The following SMAP1 variants were observed in gnomAD, a reference collection of about 807,000 sequenced individuals.
SMAP1 encodes the protein small ArfGAP 1.
Under a neutral mutation model 58.5 loss-of-function variants are expected in SMAP1, and 24 were observed. The ratio of observed to expected loss-of-function variants is 0.41; its 90% CI spans 0.30 to 0.58. SMAP1 has a LOEUF of 0.58. SMAP1 is among the 20% of genes least tolerant of loss of function. The probability of loss-of-function intolerance (pLI) is 0.29; values close to 1 mark genes in which losing one functional copy is unlikely to be tolerated. For missense variants in SMAP1, 563 were observed against 566.3 expected, an observed-to-expected ratio of 0.99 and a Z score of 0.06; for synonymous variants, 216 against 196.6, an observed-to-expected ratio of 1.10 and a Z score of -0.82.
chr6:70,669,517 G>A (rs1766176547), intron 1 of SMAP1, among the ~76,000 whole-genome samples: 1 of 152,196 alleles, frequency 6.6e-6, no homozygotes, highest in African/African-American at 2.4e-5. Context: ...CTTTTCAGGT[G>A]ATGAGTTTTT....
chr6:70,762,315 G>A (rs1562141181), intron 3 of SMAP1, among the ~76,000 whole-genome samples: 1 of 152,022 alleles, frequency 6.6e-6, no homozygotes, highest in African/African-American at 2.4e-5. Flanking sequence ...TTCTGTGGTC[G>A]CTTTGGAGAG....
intron 1 of SMAP1, among the ~76,000 whole-genome samples, chr6:70,707,902 T>A (rs1166846171): frequency 6.6e-6 from 1 of 152,234 alleles, no homozygotes; most frequent in Admixed American, 6.5e-5. Flanking sequence ...GTGAAATGAT[T>A]TCTACAGTCA....
At chr6:70,728,692 A>C (rs1468315977) in intron 1 of SMAP1, among the ~76,000 whole-genome samples, 1 of 152,222 alleles carries the variant, frequency 6.6e-6, no homozygotes, top group African/African-American at 2.4e-5. Context: ...TGCTGTTATG[A>C]GTGTAGACAT....
chr6:70,784,312 TGGAAA>T, intron 4 of SMAP1, among the ~76,000 whole-genome samples: 1 of 151,842 alleles, frequency 6.6e-6, no homozygotes, highest in East Asian at 1.9e-4. Flanking sequence ...GCACTAAACA[TGGAAA>T]GGAACAACCG....
intron 1 of SMAP1, among the ~76,000 whole-genome samples, chr6:70,680,689 CATTACA>C (rs975065356): frequency 1.1e-4 from 16 of 144,874 alleles, no homozygotes; most frequent in African/African-American, 3.8e-4. Flanking sequence ...ACAGAGTATA[CATTACA>C]ATTACATGGA....
At chr6:70,730,206 C>T (rs541725985) in intron 1 of SMAP1, among the ~76,000 whole-genome samples, 2 of 152,276 alleles carry the variant, frequency 1.3e-5, no homozygotes, top group South Asian at 2.1e-4. Context: ...CTCACCACTA[C>T]GTGTGGTGTG....
intron 6 of SMAP1, among the ~76,000 whole-genome samples, chr6:70,822,211 A>G (rs1463127972): frequency 6.6e-6 from 1 of 152,206 alleles, no homozygotes; most frequent in Admixed American, 6.5e-5. Context: ...AGGGTCAACA[A>G]TTAGATTAGA....
At chr6:70,776,229 C>G (rs13208817) in intron 4 of SMAP1, among the ~76,000 whole-genome samples, 3 of 152,142 alleles carry the variant, frequency 2.0e-5, no homozygotes, top group African/African-American at 4.8e-5. Flanking sequence ...TGTTGCCAGA[C>G]TGGAGTGCAG....
intron 6 of SMAP1, among the ~76,000 whole-genome samples, chr6:70,802,278 T>C (rs1176869746): frequency 2.0e-5 from 3 of 152,250 alleles, no homozygotes; most frequent in Admixed American, 2.0e-4. Flanking sequence ...TTTGTAGCAG[T>C]TGTGAATGGG....
At chr6:70,843,103 T>C (rs1169407335) in intron 7 of SMAP1, among the ~76,000 whole-genome samples, 1 of 151,704 alleles carries the variant, frequency 6.6e-6, no homozygotes, top group Non-Finnish European at 1.5e-5. Context: ...TTGCATTTCA[T>C]CCTGACAGCA....
At chr6:70,742,926 C>T (rs919160122) in intron 2 of SMAP1, among the ~76,000 whole-genome samples, 5 of 152,076 alleles carry the variant, frequency 3.3e-5, no homozygotes, top group East Asian at 1.9e-4. Context: ...TTTATGACCA[C>T]GAGAACAGTA....
chr6:70,727,445 A>G (rs1424330999), intron 1 of SMAP1, among the ~76,000 whole-genome samples: 1 of 152,148 alleles, frequency 6.6e-6, no homozygotes, highest in African/African-American at 2.4e-5. Flanking sequence ...TGTCTCTACA[A>G]AGCCTCCATT....
chr6:70,819,730 C>T (rs184453840), intron 6 of SMAP1, among the ~76,000 whole-genome samples: 7 of 152,220 alleles, frequency 4.6e-5, no homozygotes, highest in African/African-American at 1.2e-4. Context: ...ATGTTGAAGT[C>T]GCATAAGAAC....
chr6:70,744,662 A>T (rs544681189), intron 2 of SMAP1, among the ~76,000 whole-genome samples: 2 of 152,312 alleles, frequency 1.3e-5, no homozygotes, highest in Admixed American at 1.3e-4. Flanking sequence ...TAGTAGCATG[A>T]TTTATAATCC....
At chr6:70,777,489 T>G (rs1032682264) in intron 4 of SMAP1, among the ~76,000 whole-genome samples, 1 of 152,176 alleles carries the variant, frequency 6.6e-6, no homozygotes, top group African/African-American at 2.4e-5. Context: ...TTCGAGTTCC[T>G]TGTATATTAT....
chr6:70,767,671 G>A (rs1475364562), intron 3 of SMAP1, among the ~76,000 whole-genome samples: 2 of 149,602 alleles, frequency 1.3e-5, no homozygotes, highest in East Asian at 3.9e-4. Flanking sequence ...GGGTTTTCTA[G>A]ATATACAATC....
Position 70,744,210 on chromosome 6 carries a change from C to T in SMAP1, c.253-10770C>T, listed in dbSNP as rs535665726. Among the ~76,000 whole-genome samples the T allele has an allele frequency of 2.7e-4, 41 of 150,176 alleles. 1 individual carries two copies. In the Middle Eastern group the frequency reaches 0.01, roughly 38 times the overall value. ...TTGTTATACTTCAAGTTCTAGGGTA[C>T]ATGTGCACAACATGCAGGTTTGTTA... On this transcript the variant is annotated intron_variant, in intron 2 of 10. Transcript: ENST00000370455.
At chr6:70,824,216 G>A (rs180702124) in intron 6 of SMAP1, among the ~76,000 whole-genome samples, 40 of 152,260 alleles carry the variant, frequency 2.6e-4, no homozygotes, top group African/African-American at 9.4e-4. Context: ...AAACAGGATG[G>A]TGACTTGCAA....
chr6:70,857,037 A>G lies in SMAP1; in HGVS notation c.961+7A>G, dbSNP rs781559723. 8 of 1,593,302 alleles carry G rather than the reference A, an allele frequency of 5.0e-6. No homozygotes were observed. The East Asian group carries it at 1.8e-4, about 36-fold the overall frequency. On this transcript the variant is annotated splice_region_variant and intron_variant, in intron 9 of 10. Transcript: ENST00000370455. The stretch of plus-strand genomic sequence containing the variant: ...CAACAGCAAAGTACTCCTGGTAATG[A>G]ATTTTGATATCTGCTTTCAGTGACA...
Sources: allele counts gnomAD v4.1 joint callset (sites outside exome capture counted in the v4.1 genomes callset), GRCh38; gene constraint gnomAD v4.1.1; transcripts MANE v1.5; gene names NCBI Gene and HGNC (gene_info 2026-07-23, HGNC 2026-07-21).